Variants in ECI2 observed in about 807,000 individuals in gnomAD.
ECI2 encodes the protein D3,D2-enoyl-CoA isomerase.
ECI2 carries 27 observed loss-of-function variants against 38.4 expected under a neutral mutation model. The observed-to-expected ratio is 0.70, with a 90% CI of 0.52 to 0.97. The LOEUF is 0.97. ECI2 is among the 50% of genes least tolerant of loss of function. ECI2 has a pLI of 0.00. For synonymous variants in ECI2, 168 were observed against 172.0 expected (o/e 0.98, Z 0.18); for missense variants, 470 against 474.4 (o/e 0.99, Z 0.09).
At chr6:4,120,926 T>C (rs542770446) in intron 7 of ECI2, among the ~76,000 whole-genome samples, 64 of 152,340 alleles carry the variant, frequency 4.2e-4, no homozygotes, top group African/African-American at 1.5e-3. Context: ...GGAACACTTG[T>C]GTACAGGTCA....
In ECI2 at chr6:4,125,044, C is replaced by T. The variant is rs184213619; in HGVS notation, c.795+206G>A. 684 of 791,242 alleles carry T rather than the reference C, an allele frequency of 8.6e-4. 5 individuals are homozygous for T. The highest frequency in any genetic ancestry group is 6.7e-3 in the Middle Eastern group (29 of 4,308). 49.0% of individuals were successfully genotyped at this position (791,242 alleles called of 1,614,324 possible). ...GAATCCGGAACAGTCAGAGTTGGAACAATGTTCACAACAAAATGCAAGTTA... is the reference window on the plus strand; with the variant it reads ...GAATCCGGAACAGTCAGAGTTGGAATAATGTTCACAACAAAATGCAAGTTA... On this transcript the variant is annotated intron_variant, in intron 7 of 9. Coordinates refer to ENST00000380118, the MANE Select transcript of ECI2 (RefSeq NM_206836.3).
Position 4,119,231 on chromosome 6 carries a change from T to C in ECI2, c.840A>G (p.Glu280=), listed in dbSNP as rs1772502357. Reference sequence around the variant, plus strand: ...TCGGAAAAGTGTAAGAGGAGCATCCTTCCGGACTTTGGCCTAGGTGACTAA... The same window carrying C: ...TCGGAAAAGTGTAAGAGGAGCATCCCTCCGGACTTTGGCCTAGGTGACTAA... ...TPFSHLGQSP[E]GCSSYTFPKI... is the part of the protein sequence containing the mutation. The change falls in exon 8 of 10, where the codon GAA becomes GAG. Residue 280 remains glutamate, a synonymous_variant. Transcript: ENST00000380118. 8.1e-6 allele frequency: 13 copies of C among 1,613,742 alleles called. No homozygotes were observed. The highest frequency in any genetic ancestry group is 1.1e-5 in the Non-Finnish European group (13 of 1,179,880).
chr6:4,122,134 C>A, intron 7 of ECI2: 2 of 698,506 alleles, frequency 2.9e-6, no homozygotes, highest in Non-Finnish European at 4.7e-6. Context: ...TAGGCTCTGG[C>A]GTCAGACTAC....
intron 1 of ECI2, among the ~76,000 whole-genome samples, chr6:4,134,026 A>G (rs1581998470): frequency 6.6e-6 from 1 of 152,366 alleles, no homozygotes; most frequent in Non-Finnish European, 1.5e-5. Context: ...CAAGAAGTGA[A>G]GTGCATGCAA....
At chr6:4,116,495 C>T (rs1027394116) in intron 9 of ECI2, among the ~76,000 whole-genome samples, 1 of 149,970 alleles carries the variant, frequency 6.7e-6, no homozygotes, top group Non-Finnish European at 1.5e-5. Context: ...GGCTGGAGTG[C>T]AGTGGTGCAA....
chr6:4,124,638 T>C (rs1773022990), intron 7 of ECI2, among the ~76,000 whole-genome samples: 1 of 152,252 alleles, frequency 6.6e-6, no homozygotes, highest in African/African-American at 2.4e-5. Flanking sequence ...GAGTGATTTT[T>C]ACCTTGTAGC....
chr6:4,116,136 A>C, intron 9 of ECI2, 107 bp from the exon 10 acceptor site: 1 of 1,274,468 alleles, frequency 7.8e-7, no homozygotes, highest in East Asian at 2.5e-5. Context: ...AGATCAGTTG[A>C]GGTCAGGAGT....
chr6:4,128,999 G>T (rs1251658567), intron 4 of ECI2, among the ~76,000 whole-genome samples: 1 of 152,108 alleles, frequency 6.6e-6, no homozygotes, highest in East Asian at 1.9e-4. Context: ...ACAGCAGGGC[G>T]ACTGGTGAGA....
At chr6:4,123,838 A>T (rs114735672) in intron 7 of ECI2, among the ~76,000 whole-genome samples, 2,038 of 151,998 alleles carry the variant, frequency 0.013, 47 homozygotes, top group African/African-American at 0.047. Flanking sequence ...ATGTGGTGGC[A>T]CGCACCTGTA....
At chr6:4,122,051 A>C (rs898172400) in intron 7 of ECI2, 1 of 1,559,996 alleles carries the variant, frequency 6.4e-7, no homozygotes, top group Non-Finnish European at 8.7e-7. Context: ...AAACAGGTAC[A>C]TGCAAAGTTG....
Position 4,122,841 on chromosome 6 carries a change from G to A in ECI2, c.795+2409C>T, listed in dbSNP as rs538865264. 5.3e-5 allele frequency among the ~76,000 whole-genome samples: 8 copies of A among 152,302 alleles called. No individual in the cohort carries two copies. In the South Asian group the frequency reaches 1.7e-3, roughly 32 times the overall value. On this transcript the variant is annotated intron_variant, in intron 7 of 9. Transcript: ENST00000380118. ...TACTCTGTACATTACGTGAATATGT[G>A]TGTGTGTATGCGTATATTTATAATA...
chr6:4,122,070 C>G lies in ECI2; in HGVS notation c.796-2795G>C, dbSNP rs773359504. 2.1e-6 allele frequency: 3 copies of G among 1,437,476 alleles called. No homozygotes were observed. The East Asian group carries it at 6.9e-5, about 33-fold the overall frequency. The allele number at this position is 1,437,476 out of a possible 1,614,324, so 89.0% of individuals were successfully genotyped here. A position where few individuals can be genotyped will look rare whatever the true frequency, so the allele number is the denominator to read the frequency against. On this transcript the variant is annotated intron_variant, in intron 7 of 9. Transcript: ENST00000380118. ...AGGTACATGCAAAGTTGCCAGTAAG[C>G]AGCATTTAAAATGCTGATTTTCAGA...
chr6:4,128,380 G>T (rs1004399083), intron 4 of ECI2, among the ~76,000 whole-genome samples: 3 of 152,174 alleles, frequency 2.0e-5, no homozygotes, highest in Admixed American at 6.5e-5. Flanking sequence ...TTCAAGGAAG[G>T]TGGCTCAAAA....
At chr6:4,116,175 ACCCCATCTCT>A (rs983560870) in intron 9 of ECI2, 146 bp from the exon 10 acceptor site, 28 of 766,724 alleles carry the variant, frequency 3.7e-5, no homozygotes, top group Middle Eastern at 6.0e-4. Context: ...ACATGGTGAA[ACCCCATCTCT>A]ACTAAAAATA....
At position 4,130,446 on chromosome 6, in the gene ECI2, C is replaced by T; in HGVS notation, c.427G>A (p.Val143Met). ...DRKSTGFETL[V>M]VTSEDGITKI... ...GTGATGCCATCTTCGGAGGTCACCA[C>T]CAGAGTTTCAAACCCAGTTGATTTC... The change falls in exon 4 of 10, where the codon GTG (valine) becomes ATG (methionine). Residue 143 changes from valine to methionine, a missense_variant. Transcript: ENST00000380118. 2.5e-6 allele frequency: 4 copies of T among 1,614,190 alleles called. No individual in the cohort carries two copies. The highest frequency in any genetic ancestry group is 3.4e-6 in the Non-Finnish European group (4 of 1,180,042).
intron 1 of ECI2, among the ~76,000 whole-genome samples, chr6:4,134,950 G>A (rs951850342): frequency 2.5e-4 from 38 of 152,178 alleles, no homozygotes; most frequent in Non-Finnish European, 4.1e-4. Context: ...ACCGTGTTTC[G>A]GTTTTGTTCC....
chr6:4,135,194 G>T, intron 1 of ECI2: 1 of 706,154 alleles, frequency 1.4e-6, no homozygotes, highest in Non-Finnish European at 2.4e-6. Context: ...AGCTGGGGCG[G>T]CTCACCCGCC....
At chr6:4,119,099 G>A in intron 8 of ECI2, 87 bp downstream of exon 8, 3 of 1,104,652 alleles carry the variant, frequency 2.7e-6, no homozygotes, top group Non-Finnish European at 3.9e-6. Context: ...TATTACCAAG[G>A]GAAAGAAGGG....
chr6:4,123,887 G>A lies in ECI2; in HGVS notation c.795+1363C>T, dbSNP rs1304131212. On this transcript the variant is annotated intron_variant, in intron 7 of 9. Transcript: ENST00000380118. ...TGAGTGGGAGAATCGCTTGAACCCG[G>A]GAGGTGGTGGCTGCAGTGAGCCAAG... is the stretch of plus-strand genomic sequence containing the variant. Among the ~76,000 whole-genome samples the A allele has an allele frequency of 3.3e-5, 5 of 152,168 alleles. No homozygotes were observed. In the East Asian group the frequency reaches 9.7e-4, roughly 29 times the overall value.
Sources: gnomAD v4.1 joint callset for allele counts (sites outside exome capture counted in the v4.1 genomes callset) on GRCh38, gnomAD v4.1.1 for gene constraint, MANE v1.5 for transcripts, NCBI Gene and HGNC (gene_info 2026-07-23, HGNC 2026-07-21) for gene names.